The following SFMBT2 variants were observed in gnomAD, a reference collection of about 807,000 sequenced individuals.
SFMBT2 encodes Scm like with four mbt domains 2.
A neutral mutation model predicts 110.1 loss-of-function variants in SFMBT2; 38 were observed. That is an observed-to-expected ratio of 0.35 (90% CI 0.27 to 0.45). SFMBT2 has a LOEUF of 0.45. SFMBT2 is among the 20% of genes least tolerant of loss of function. The probability of loss-of-function intolerance (pLI) is 1.00; values close to 1 mark genes in which losing one functional copy is unlikely to be tolerated. For missense variants in SFMBT2, 1,011 were observed against 1,094.9 expected (o/e 0.92, Z 1.08); for synonymous variants, 425 against 425.4 (o/e 1.00, Z 0.01).
In SFMBT2 at chr10:7,367,037, AT is replaced by A. The variant is rs1166431952; in HGVS notation, c.436+611del. Among the ~76,000 whole-genome samples, 3 of 150,800 alleles carry A rather than the reference AT, an allele frequency of 2.0e-5. No homozygotes were observed. The highest frequency in any genetic ancestry group is 7.3e-5 in the African/African-American group (3 of 41,026). On this transcript the variant is annotated intron_variant, in intron 4 of 20. Transcript: ENST00000397167. The surrounding 1 kb of genome is among the most constrained non-coding windows in gnomAD (Gnocchi z 6.2). ...TGACCACTCCCTTGAGACCAATGTC[AT>A]TTCTCTCATCTGTATGGTTTTCTTT...
intron 9 of SFMBT2, among the ~76,000 whole-genome samples, chr10:7,241,009 C>G (rs528831598): frequency 1.2e-4 from 19 of 152,254 alleles, no homozygotes; most frequent in African/African-American, 4.3e-4. Flanking sequence ...ACGGGAGGAA[C>G]CTGGTGGGAG....
intron 4 of SFMBT2, among the ~76,000 whole-genome samples, chr10:7,346,988 TCAAAACAAAACAAAA>T (rs71515471): frequency 0.048 from 7,174 of 150,328 alleles, 243 homozygotes; most frequent in Non-Finnish European, 0.075. Flanking sequence ...AGACTCTGTC[TCAAAACAAAACAAAA>T]CAAAACAAAA....
At chr10:7,404,977 T>TA (rs1259235951) in intron 1 of SFMBT2, among the ~76,000 whole-genome samples, 1 of 152,236 alleles carries the variant, frequency 6.6e-6, no homozygotes, top group Non-Finnish European at 1.5e-5. Flanking sequence ...AATACAGTCT[T>TA]ACAGTCTTGT....
intron 7 of SFMBT2, among the ~76,000 whole-genome samples, chr10:7,272,073 G>A (rs1160311034): frequency 2.6e-5 from 4 of 152,114 alleles, no homozygotes; most frequent in South Asian, 2.1e-4. Context: ...GGCACGGAAG[G>A]AGACACTGCA....
intron 7 of SFMBT2, among the ~76,000 whole-genome samples, chr10:7,275,694 T>C (rs1841752072): frequency 6.6e-6 from 1 of 152,132 alleles, no homozygotes; most frequent in African/African-American, 2.4e-5. Flanking sequence ...CGTCACAACA[T>C]AATCACATGG....
chr10:7,311,596 A>C (rs117797964), intron 4 of SFMBT2, among the ~76,000 whole-genome samples: 2 of 152,238 alleles, frequency 1.3e-5, no homozygotes, highest in Non-Finnish European at 2.9e-5. Context: ...GCAAGCTGCT[A>C]TGATTAATCA....
chr10:7,360,166 T>C (rs1242741551), intron 4 of SFMBT2, among the ~76,000 whole-genome samples: 2 of 151,192 alleles, frequency 1.3e-5, no homozygotes, highest in Non-Finnish European at 3.0e-5. Flanking sequence ...CTGTTCAAGA[T>C]GACCAAAGAG....
intron 4 of SFMBT2, among the ~76,000 whole-genome samples, chr10:7,298,353 C>A (rs1842464969): frequency 6.6e-6 from 1 of 152,192 alleles, no homozygotes; most frequent in South Asian, 2.1e-4. Context: ...GTGATCTAGT[C>A]CAACTGATGC....
In SFMBT2 at chr10:7,332,606, TA is replaced by T. The variant is rs1843595539; in HGVS notation, c.436+35042del. Among the ~76,000 whole-genome samples, 4 of 152,218 alleles carry T rather than the reference TA, an allele frequency of 2.6e-5. No individual in the cohort carries two copies. The South Asian group carries it at 8.3e-4, about 32-fold the overall frequency. On this transcript the variant is annotated intron_variant, in intron 4 of 20. Transcript: ENST00000397167. ...CCCAGCTTATAAAAATGCTTTTTATTAAAACAAGCCAAAGTGAAAACAAGTC... is the reference window on the plus strand; with the variant it reads ...CCCAGCTTATAAAAATGCTTTTTATTAAACAAGCCAAAGTGAAAACAAGTC...
At chr10:7,183,399 G>C (rs1838299862) in intron 16 of SFMBT2, among the ~76,000 whole-genome samples, 1 of 152,208 alleles carries the variant, frequency 6.6e-6, no homozygotes, top group Non-Finnish European at 1.5e-5. Flanking sequence ...AGTAAAGGAA[G>C]TCACAGATCA....
chr10:7,379,935 T>C (rs1170277604), intron 2 of SFMBT2, among the ~76,000 whole-genome samples: 1 of 152,094 alleles, frequency 6.6e-6, no homozygotes, highest in East Asian at 1.9e-4. Flanking sequence ...CAGAAACTAC[T>C]TAAGTTAGAG....
intron 16 of SFMBT2, 22 bp from the exon 17 acceptor site, chr10:7,176,187 A>G (rs1838050416): frequency 1.9e-6 from 3 of 1,613,068 alleles, no homozygotes; most frequent in African/African-American, 1.3e-5. Flanking sequence ...GTGGGGAAGA[A>G]AAGCGAGGGC....
At chr10:7,207,802 G>C (rs1839202233) in intron 11 of SFMBT2, among the ~76,000 whole-genome samples, 1 of 152,228 alleles carries the variant, frequency 6.6e-6, no homozygotes. Context: ...TCCCAATTTA[G>C]AGTTAAGCCA....
chr10:7,158,682 GT>G lies in SFMBT2; in HGVS notation c.*5087del, dbSNP rs994820549. On this transcript the variant is annotated 3_prime_UTR_variant, in exon 21 of 21. Transcript: ENST00000397167. ...TTACAATTTTTTTGAAGTAAAAAGGGTTTTTTTCATTTAGAATAAAAATTAA... is the reference window on the plus strand; with the variant it reads ...TTACAATTTTTTTGAAGTAAAAAGGGTTTTTTCATTTAGAATAAAAATTAA... The G allele has an allele frequency of 6.6e-6, 1 of 151,936 alleles. No homozygotes were observed. The highest frequency in any genetic ancestry group is 2.4e-5 in the African/African-American group (1 of 41,350). 9.4% of individuals were successfully genotyped at this position (151,936 alleles called of 1,614,324 possible). A position where few individuals can be genotyped will look rare whatever the true frequency, so the allele number is the denominator to read the frequency against.
intron 2 of SFMBT2, among the ~76,000 whole-genome samples, chr10:7,374,892 T>C (rs138544156): frequency 1.2e-3 from 182 of 152,308 alleles, no homozygotes; most frequent in African/African-American, 4.2e-3. Flanking sequence ...GAGCTGATTC[T>C]CCAAAGACAT....
chr10:7,196,718 T>C (rs549838405), intron 15 of SFMBT2, among the ~76,000 whole-genome samples: 5 of 152,260 alleles, frequency 3.3e-5, no homozygotes, highest in Non-Finnish European at 7.3e-5. Context: ...ACATTCATCA[T>C]GGTACGGTGG....
intron 6 of SFMBT2, among the ~76,000 whole-genome samples, chr10:7,279,910 T>C (rs1340123749): frequency 4.6e-5 from 7 of 152,248 alleles, no homozygotes; most frequent in African/African-American, 1.4e-4. Flanking sequence ...GATGAATCTA[T>C]GTTGTTAAAA....
intron 15 of SFMBT2, among the ~76,000 whole-genome samples, chr10:7,191,836 C>A (rs181131053): frequency 2.6e-5 from 4 of 152,138 alleles, no homozygotes; most frequent in Admixed American, 2.6e-4. Flanking sequence ...AATATGGGCT[C>A]TGAAATTAAA....
At chr10:7,167,490 T>C (rs982555534) in intron 20 of SFMBT2, among the ~76,000 whole-genome samples, 2 of 152,196 alleles carry the variant, frequency 1.3e-5, no homozygotes, top group South Asian at 2.1e-4. Context: ...TGCGTGCACA[T>C]AGCGATGACC....
Sources: allele counts gnomAD v4.1 joint callset (sites outside exome capture counted in the v4.1 genomes callset), GRCh38; gene constraint gnomAD v4.1.1; non-coding constraint Gnocchi (gnomAD v3.1); transcripts MANE v1.5; gene names NCBI Gene and HGNC (gene_info 2026-07-23, HGNC 2026-07-21).